Variants in CA10 observed in about 807,000 individuals in gnomAD.
CA10 encodes carbonic anhydrase 10 (inactive).
Under a neutral mutation model 44.2 loss-of-function variants are expected in CA10, and 14 were observed. The ratio of observed to expected loss-of-function variants is 0.32; its 90% CI spans 0.21 to 0.50. The LOEUF is 0.50. Ranked by LOEUF, CA10 falls within the 20% of genes least tolerant of loss-of-function variation. CA10 has a pLI of 0.99. For synonymous variants in CA10, 159 were observed against 141.6 expected (o/e 1.12, Z -0.87); for missense variants, 350 against 409.7 (o/e 0.85, Z 1.26).
intron 3 of CA10, among the ~76,000 whole-genome samples, chr17:51,810,354 C>T (rs566581506): frequency 1.3e-5 from 2 of 152,106 alleles, no homozygotes; most frequent in Non-Finnish European, 2.9e-5. Flanking sequence ...TTTTTTGGAG[C>T]ACCAAGAAGG....
At chr17:52,036,919 A>T (rs998045063) in intron 2 of CA10, among the ~76,000 whole-genome samples, 1 of 152,164 alleles carries the variant, frequency 6.6e-6, no homozygotes, top group Admixed American at 6.6e-5. Context: ...AGGTGGAGCT[A>T]CTGAGGCGGG....
intron 3 of CA10, among the ~76,000 whole-genome samples, chr17:51,778,248 T>C (rs549045207): frequency 4.6e-5 from 7 of 152,306 alleles, no homozygotes; most frequent in African/African-American, 1.7e-4. Context: ...ACCCATCAAC[T>C]CTGAAGGTCC....
intron 3 of CA10, among the ~76,000 whole-genome samples, chr17:51,848,354 C>T (rs778464550): frequency 1.3e-5 from 2 of 152,182 alleles, no homozygotes; most frequent in Admixed American, 6.5e-5. Context: ...ACTCCTCTCA[C>T]ACTCATGACT....
At chr17:52,044,749 A>G (rs1441570359) in intron 2 of CA10, among the ~76,000 whole-genome samples, 2 of 117,462 alleles carry the variant, frequency 1.7e-5, no homozygotes, top group African/African-American at 3.3e-5. Context: ...ATCTTGAACT[A>G]GAAGAAACAG....
intron 3 of CA10, among the ~76,000 whole-genome samples, chr17:51,814,146 A>G (rs769895419): frequency 1.3e-5 from 2 of 152,168 alleles, no homozygotes; most frequent in African/African-American, 2.4e-5. Context: ...AGTTACTTCA[A>G]TTGTCACATT....
chr17:51,662,022 G>T (rs940130228), intron 4 of CA10, among the ~76,000 whole-genome samples: 5 of 152,204 alleles, frequency 3.3e-5, no homozygotes, highest in African/African-American at 1.2e-4. Context: ...TTTGGTCTGT[G>T]ACTGTAGTTT....
chr17:51,927,999 C>A (rs1301789731), intron 3 of CA10, among the ~76,000 whole-genome samples: 1 of 152,072 alleles, frequency 6.6e-6, no homozygotes, highest in Non-Finnish European at 1.5e-5. Flanking sequence ...TACATACAAC[C>A]CAGCCTTAAG....
intron 3 of CA10, among the ~76,000 whole-genome samples, chr17:51,809,751 A>G (rs1374083598): frequency 6.6e-6 from 1 of 152,168 alleles, no homozygotes; most frequent in Non-Finnish European, 1.5e-5. Flanking sequence ...GGCAGGTGAG[A>G]ATGACCCCAT....
intron 1 of CA10, among the ~76,000 whole-genome samples, chr17:52,110,025 C>T (rs140632580): frequency 6.2e-4 from 94 of 152,312 alleles, no homozygotes; most frequent in African/African-American, 2.0e-3. Flanking sequence ...CTCCTAATCT[C>T]ATCCGCATGA....
At chr17:51,991,244 T>G (rs1234522397) in intron 2 of CA10, among the ~76,000 whole-genome samples, 1 of 152,150 alleles carries the variant, frequency 6.6e-6, no homozygotes, top group Non-Finnish European at 1.5e-5. Context: ...CCTACTGAAC[T>G]ACAGGAATTT....
At chr17:51,997,849 G>A (rs776039603) in intron 2 of CA10, among the ~76,000 whole-genome samples, 8 of 152,038 alleles carry the variant, frequency 5.3e-5, no homozygotes, top group Admixed American at 3.9e-4. Context: ...AAAGAAAACT[G>A]ACACCACTGA....
chr17:51,745,752 A>C (rs572014885), intron 4 of CA10, among the ~76,000 whole-genome samples: 1 of 152,246 alleles, frequency 6.6e-6, no homozygotes, highest in South Asian at 2.1e-4. Context: ...CATTTTATCA[A>C]TTATTCATTT....
chr17:51,727,008 T>C (rs1050414865), intron 4 of CA10, among the ~76,000 whole-genome samples: 1 of 152,218 alleles, frequency 6.6e-6, no homozygotes. Flanking sequence ...ATGGACATCA[T>C]GGGTGTGTGA....
chr17:51,878,126 A>AGACG (rs1307596559), intron 3 of CA10, among the ~76,000 whole-genome samples: 2 of 136,884 alleles, frequency 1.5e-5, no homozygotes, highest in Non-Finnish European at 3.1e-5. Context: ...CCTGGGTGAC[A>AGACG]GAGCATGACT....
chr17:51,689,522 G>A (rs1915116939), intron 4 of CA10, among the ~76,000 whole-genome samples: 1 of 152,198 alleles, frequency 6.6e-6, no homozygotes, highest in African/African-American at 2.4e-5. Context: ...TTTCTACTTT[G>A]AGATAAATAT....
intron 3 of CA10, among the ~76,000 whole-genome samples, chr17:51,807,591 G>A (rs541197856): frequency 1.4e-4 from 21 of 152,206 alleles, no homozygotes; most frequent in Non-Finnish European, 2.2e-4. Context: ...TAATAATAGC[G>A]CAAAATAGAA....
In CA10 at chr17:51,785,257, G is replaced by A. The variant is rs181730412; in HGVS notation, c.280-37439C>T. On this transcript the variant is annotated intron_variant, in intron 3 of 8. Coordinates refer to ENST00000451037, the MANE Select transcript of CA10 (RefSeq NM_020178.5). ...AACATGAGAGTGTAGATGTCTCTTCGATATACTGATTTCGTGGTTATTAAT... is the reference window on the plus strand; with the variant it reads ...AACATGAGAGTGTAGATGTCTCTTCAATATACTGATTTCGTGGTTATTAAT... 2.0e-5 allele frequency among the ~76,000 whole-genome samples: 3 copies of A among 151,042 alleles called. No homozygotes were observed. In the East Asian group the frequency reaches 5.9e-4, roughly 30 times the overall value.
intron 4 of CA10, among the ~76,000 whole-genome samples, chr17:51,741,914 G>A (rs753334148): frequency 3.4e-4 from 52 of 152,300 alleles, no homozygotes; most frequent in Non-Finnish European, 6.6e-4. Context: ...TAATAGATTG[G>A]GGTCAGCTAA....
chr17:51,780,800 A>C (rs186447321), intron 3 of CA10, among the ~76,000 whole-genome samples: 77 of 152,336 alleles, frequency 5.1e-4, no homozygotes, highest in African/African-American at 1.8e-3. Context: ...CAGTGTGAGC[A>C]AGAGCCTGGA....
Sources: allele counts gnomAD v4.1 joint callset (sites outside exome capture counted in the v4.1 genomes callset), GRCh38; gene constraint gnomAD v4.1.1; transcripts MANE v1.5; gene names NCBI Gene and HGNC (gene_info 2026-07-23, HGNC 2026-07-21).